Variants in TBPL2 observed in about 807,000 individuals in gnomAD.
The protein encoded by TBPL2 is TATA-box binding protein like 2.
Under a neutral mutation model 38.2 loss-of-function variants are expected in TBPL2, and 40 were observed. That is an observed-to-expected ratio of 1.05 (90% CI 0.81 to 1.36). The LOEUF (loss-of-function observed/expected upper bound fraction) is 1.36, where lower values mean the gene tolerates loss of function less well. TBPL2 is among the 40% of genes most tolerant of loss of function. TBPL2 has a pLI of 0.00. For missense variants in TBPL2, 461 were observed against 456.7 expected (o/e 1.01, Z -0.09); for synonymous variants, 169 against 171.7 (o/e 0.98, Z 0.12).
At chr14:55,426,862 G>A (rs1211413504) in intron 5 of TBPL2, among the ~76,000 whole-genome samples, 4 of 152,338 alleles carry the variant, frequency 2.6e-5, no homozygotes, top group Middle Eastern at 3.4e-3. Context: ...GTAATAACAA[G>A]GGGCACCTAT....
intron 5 of TBPL2, among the ~76,000 whole-genome samples, chr14:55,426,789 T>A (rs1045670988): frequency 6.6e-6 from 1 of 152,024 alleles, no homozygotes; most frequent in African/African-American, 2.4e-5. Flanking sequence ...AGAACAGGGA[T>A]GGGCCCACTC....
rs547213796 is a variant in TBPL2 at position 55,430,326 on chromosome 14, C to T, written c.789-1352G>A. On this transcript the variant is annotated intron_variant, in intron 4 of 6. Transcript: ENST00000247219. ...CTCTTATCCAGATCCTTCACCAACACTGCCCCCTCTTGGGTATTCGTTACT... is the reference window on the plus strand; with the variant it reads ...CTCTTATCCAGATCCTTCACCAACATTGCCCCCTCTTGGGTATTCGTTACT... Among the ~76,000 whole-genome samples, 7 of 150,312 alleles carry T rather than the reference C, an allele frequency of 4.7e-5. No individual in the cohort carries two copies. The East Asian group carries it at 1.4e-3, about 29-fold the overall frequency.
chr14:55,425,155 C>A (rs1885801855), intron 5 of TBPL2, among the ~76,000 whole-genome samples: 1 of 152,188 alleles, frequency 6.6e-6, no homozygotes, highest in Non-Finnish European at 1.5e-5. Flanking sequence ...CAGAAAGGCG[C>A]ATCTTGAAGT....
At chr14:55,426,038 G>A (rs1885816480) in intron 5 of TBPL2, among the ~76,000 whole-genome samples, 1 of 152,144 alleles carries the variant, frequency 6.6e-6, no homozygotes, top group African/African-American at 2.4e-5. Flanking sequence ...AAGTCGAGGT[G>A]GGTGGATCGC....
rs774017302 is a variant in TBPL2, at chr14:55,436,965, A to G, written c.204T>C (p.Asp68=). 3.7e-6 allele frequency: 6 copies of G among 1,614,098 alleles called. No homozygotes were observed. In the East Asian group the frequency reaches 1.3e-4, roughly 36 times the overall value. ...GATTGGATGCATTCAGTATGTACAT[A>G]TCATAAGGTACAACTGGGCTGAACA... The change falls in exon 2 of 7, where the codon GAT becomes GAC. Residue 68 remains aspartate, a synonymous_variant. Coordinates refer to ENST00000247219, the Ensembl canonical transcript of TBPL2.
At chr14:55,440,534 C>G in exon 1 of TBPL2, 5 of 1,604,488 alleles carry the variant, frequency 3.1e-6, no homozygotes, top group Non-Finnish European at 4.3e-6. Context: ...CCGGCCAGGG[C>G]GCAGAGGCCA....
chr14:55,419,145 T>G (rs1413970189), intron 6 of TBPL2, among the ~76,000 whole-genome samples: 1 of 152,212 alleles, frequency 6.6e-6, no homozygotes, highest in African/African-American at 2.4e-5. Flanking sequence ...ATTGTAGACT[T>G]GCAAATTGCT....
chr14:55,424,763 C>T (rs1052915178), intron 5 of TBPL2, among the ~76,000 whole-genome samples: 2 of 152,078 alleles, frequency 1.3e-5, no homozygotes, highest in Admixed American at 6.5e-5. Context: ...CCAATTATCC[C>T]GAGTTTTTAC....
intron 6 of TBPL2, among the ~76,000 whole-genome samples, chr14:55,423,274 A>T (rs1368358613): frequency 6.6e-6 from 1 of 152,246 alleles, no homozygotes; most frequent in Non-Finnish European, 1.5e-5. Flanking sequence ...GGTAAAAGAT[A>T]TTTAGATACA....
In TBPL2 at chr14:55,429,487, G is replaced by C. The variant is rs184218009; in HGVS notation, c.789-513C>G. On this transcript the variant is annotated intron_variant, in intron 4 of 6. Coordinates refer to ENST00000247219, the Ensembl canonical transcript of TBPL2. The stretch of plus-strand genomic sequence containing the variant: ...CCCATTTAGAAGAGAACAATGGCTG[G>C]GCACAGTGGCTCACGCCTGTAATCC... Among the ~76,000 whole-genome samples the C allele has an allele frequency of 3.8e-4, 58 of 152,284 alleles. 1 individual carries two copies. The highest frequency in any genetic ancestry group is 1.3e-3 in the African/African-American group (55 of 41,554).
chr14:55,437,292 A>G (rs547250904), intron 1 of TBPL2, among the ~76,000 whole-genome samples: 1 of 152,392 alleles, frequency 6.6e-6, no homozygotes, highest in South Asian at 2.1e-4. Flanking sequence ...AGCCTGGCCA[A>G]TGTGGTGAAA....
chr14:55,426,882 A>C (rs1885833508), intron 5 of TBPL2, among the ~76,000 whole-genome samples: 2 of 152,240 alleles, frequency 1.3e-5, no homozygotes, highest in Non-Finnish European at 2.9e-5. Context: ...TTCTAGACTT[A>C]GATCTGCTCT....
chr14:55,419,028 T>C (rs1441042526), intron 6 of TBPL2, among the ~76,000 whole-genome samples: 1 of 152,226 alleles, frequency 6.6e-6, no homozygotes, highest in Non-Finnish European at 1.5e-5. Flanking sequence ...CTCCAGTCCA[T>C]CCTTTTAGCC....
intron 6 of TBPL2, among the ~76,000 whole-genome samples, chr14:55,419,996 G>T (rs1214873891): frequency 6.6e-6 from 1 of 152,194 alleles, no homozygotes; most frequent in Non-Finnish European, 1.5e-5. Flanking sequence ...TCAGTTTAGG[G>T]AGGAGCCTGA....
At chr14:55,431,539 C>T (rs1885925537) in intron 4 of TBPL2, among the ~76,000 whole-genome samples, 1 of 152,152 alleles carries the variant, frequency 6.6e-6, no homozygotes, top group Non-Finnish European at 1.5e-5. Flanking sequence ...TTTCCCTGTT[C>T]TATTGCTGAA....
intron 6 of TBPL2, 133 bp from the exon 7 acceptor site, chr14:55,414,588 T>C (rs576029279): frequency 3.1e-6 from 2 of 636,598 alleles, no homozygotes; most frequent in Admixed American, 3.3e-5. Flanking sequence ...AGAAATGGCA[T>C]TTATTCCGGG....
intron 1 of TBPL2, among the ~76,000 whole-genome samples, chr14:55,439,353 A>G (rs1886067905): frequency 6.6e-6 from 1 of 151,574 alleles, no homozygotes; most frequent in Non-Finnish European, 1.5e-5. Context: ...TCCACCAGAG[A>G]CTTGACTTCT....
At chr14:55,423,594 T>C (rs1008962717) in intron 6 of TBPL2, among the ~76,000 whole-genome samples, 1 of 152,260 alleles carries the variant, frequency 6.6e-6, no homozygotes, top group Admixed American at 6.5e-5. Context: ...TGTTAGCCTA[T>C]GAGCTAAGAA....
rs770541434 is a variant in TBPL2, at chr14:55,424,216, T to C, written c.994A>G (p.Met332Val). 10 of 1,613,522 alleles carry C rather than the reference T, an allele frequency of 6.2e-6. No homozygotes were observed. In the Admixed American group the frequency reaches 1.5e-4, roughly 24 times the overall value. ...AGCAACACAATTCGTGGTTTTACCA[T>C]TCTATAAATAAGACCAGGAAACAGT... Residue 332 changes from methionine to valine, a missense_variant, in exon 6 of 7, where the codon ATG (methionine) becomes GTG (valine). Physicochemically the swap from Met to Val is conservative, Grantham distance 21. Coordinates refer to ENST00000247219, the Ensembl canonical transcript of TBPL2.
Sources: allele counts gnomAD v4.1 joint callset (sites outside exome capture counted in the v4.1 genomes callset), GRCh38; gene constraint gnomAD v4.1.1; transcripts MANE v1.5; gene names NCBI Gene and HGNC (gene_info 2026-07-23, HGNC 2026-07-21).